The following ARMC9 variants were observed in gnomAD, a reference collection of about 807,000 sequenced individuals.
ARMC9 encodes the protein armadillo repeat containing 9, also known as lisH domain-containing protein ARMC9.
In ARMC9, 94 loss-of-function variants were observed where a neutral mutation model predicts 107.0. The observed-to-expected ratio is 0.88, with a 90% CI of 0.74 to 1.04. The LOEUF (loss-of-function observed/expected upper bound fraction) is 1.04. Ranked by LOEUF, ARMC9 falls within the 50% of genes least tolerant of loss-of-function variation. The probability of loss-of-function intolerance (pLI) is 0.00; values close to 1 mark genes in which losing one functional copy is unlikely to be tolerated. For synonymous variants in ARMC9, 380 were observed against 396.9 expected (o/e 0.96, Z 0.51); for missense variants, 942 against 1,030.1 (o/e 0.91, Z 1.17).
chr2:231,246,581 A>C (rs549133567), intron 9 of ARMC9, among the ~76,000 whole-genome samples: 2 of 152,144 alleles, frequency 1.3e-5, no homozygotes, highest in Non-Finnish European at 2.9e-5. Context: ...TATGTGTACC[A>C]CATTTTCCTT....
chr2:231,210,411 C>A (rs2032658269), intron 3 of ARMC9, among the ~76,000 whole-genome samples: 1 of 152,222 alleles, frequency 6.6e-6, no homozygotes, highest in Admixed American at 6.5e-5. Flanking sequence ...CAGCTTCACT[C>A]CCCAGCACCT....
chr2:231,365,292 G>A (rs1260697442), intron 23 of ARMC9, among the ~76,000 whole-genome samples: 1 of 152,224 alleles, frequency 6.6e-6, no homozygotes, highest in Non-Finnish European at 1.5e-5. Flanking sequence ...TGCTCTGCAA[G>A]GTAGGCGATT....
At chr2:231,206,008 A>G (rs2031929982) in intron 1 of ARMC9, among the ~76,000 whole-genome samples, 190 bp from the exon 2 acceptor site, 1 of 152,248 alleles carries the variant, frequency 6.6e-6, no homozygotes, top group South Asian at 2.1e-4. Flanking sequence ...TTTAAAGGTC[A>G]GCTGATGAGC....
At chr2:231,359,089 T>C (rs566804368) in intron 22 of ARMC9, among the ~76,000 whole-genome samples, 2 of 146,564 alleles carry the variant, frequency 1.4e-5, no homozygotes, top group African/African-American at 5.2e-5. Flanking sequence ...CCTGTTTTTT[T>C]TTTTTTTTTT....
At chr2:231,311,414 T>G (rs1259407124) in intron 19 of ARMC9, among the ~76,000 whole-genome samples, 1 of 152,208 alleles carries the variant, frequency 6.6e-6, no homozygotes, top group Non-Finnish European at 1.5e-5. Flanking sequence ...GCACAGCACT[T>G]GGCACATACC....
intron 19 of ARMC9, among the ~76,000 whole-genome samples, chr2:231,322,005 A>G (rs1244447495): frequency 1.3e-5 from 2 of 152,260 alleles, no homozygotes; most frequent in Non-Finnish European, 2.9e-5. Context: ...CGGCGAAAGC[A>G]AGAGACTGGG....
At chr2:231,309,744 TG>T (rs1194780720) in intron 19 of ARMC9, among the ~76,000 whole-genome samples, 1 of 151,966 alleles carries the variant, frequency 6.6e-6, no homozygotes, top group Non-Finnish European at 1.5e-5. Flanking sequence ...AAATCTAAGA[TG>T]TTTTTTCCAA....
intron 14 of ARMC9, among the ~76,000 whole-genome samples, chr2:231,273,634 C>G (rs891239376): frequency 6.6e-6 from 1 of 152,116 alleles, no homozygotes; most frequent in African/African-American, 2.4e-5. Flanking sequence ...AGTCTGGTCT[C>G]GAACTCCTGA....
chr2:231,245,784 C>G (rs1447320454), intron 9 of ARMC9, among the ~76,000 whole-genome samples: 1 of 152,204 alleles, frequency 6.6e-6, no homozygotes, highest in Non-Finnish European at 1.5e-5. Context: ...TTTTCCCTGC[C>G]AAGAGCAGTT....
chr2:231,355,900 G>A lies in ARMC9; in HGVS notation c.2097G>A (p.Lys699=). The A allele has an allele frequency of 6.5e-7, 1 of 1,536,144 alleles. No homozygotes were observed. Among genetic ancestry groups the A allele is most frequent in the Non-Finnish European group, 8.7e-7 (1 of 1,146,904 alleles). The part of the protein sequence containing the change: ...AAHEAVYREG[K]PSTPESCVSS... Reference sequence around the variant, plus strand: ...ACGAGGCTGTCTACAGGGAGGGCAAGCCCAGCACCCCGGAGTCCTGCGTCT... The same window carrying A: ...ACGAGGCTGTCTACAGGGAGGGCAAACCCAGCACCCCGGAGTCCTGCGTCT... The change falls in exon 22 of 25, where the codon AAG becomes AAA. Residue 699 remains lysine (K), a synonymous_variant. Transcript: ENST00000611582.
chr2:231,356,156 G>T (rs147871113), intron 22 of ARMC9, among the ~76,000 whole-genome samples: 1 of 152,182 alleles, frequency 6.6e-6, no homozygotes, highest in Admixed American at 6.5e-5. Context: ...CTGTTGTCCC[G>T]TCTGGGAGCT....
intron 14 of ARMC9, among the ~76,000 whole-genome samples, chr2:231,274,543 G>A (rs1416363716): frequency 2.6e-5 from 4 of 152,126 alleles, no homozygotes; most frequent in African/African-American, 7.2e-5. Context: ...TCTTTTTCTC[G>A]TGGATCGGCA....
At chr2:231,333,839 A>G (rs901414047) in intron 20 of ARMC9, among the ~76,000 whole-genome samples, 1 of 152,256 alleles carries the variant, frequency 6.6e-6, no homozygotes, top group Non-Finnish European at 1.5e-5. Flanking sequence ...AGAAGCTTGA[A>G]TACAGCGCTC....
chr2:231,276,537 T>G, intron 14 of ARMC9, 99 bp from the exon 15 acceptor site: 1 of 1,530,304 alleles, frequency 6.5e-7, no homozygotes, highest in Non-Finnish European at 8.9e-7. Context: ...CCCAAAGTGC[T>G]GGGATTACAG....
chr2:231,328,108 G>A (rs1328666632), intron 19 of ARMC9, among the ~76,000 whole-genome samples: 1 of 152,180 alleles, frequency 6.6e-6, no homozygotes, highest in African/African-American at 2.4e-5. Context: ...TAATAGGCAT[G>A]TAGTGATATC....
rs773123788 is a variant in ARMC9 at position 231,282,043 on chromosome 2, T to C, written c.1552-16T>C. 7 of 1,613,560 alleles carry C rather than the reference T, an allele frequency of 4.3e-6. No homozygotes were observed. The highest frequency in any genetic ancestry group is 1.7e-4 in the Middle Eastern group (1 of 6,058). On this transcript the variant is annotated splice_polypyrimidine_tract_variant and intron_variant, in intron 16 of 24. Transcript: ENST00000611582. ...TGAAAACTTGCAAATAACTGGTTTT[T>C]TTCCTCCCCTTAAAGATACAGCCGT...
At chr2:231,264,892 G>A (rs1166248338) in intron 12 of ARMC9, among the ~76,000 whole-genome samples, 1 of 152,044 alleles carries the variant, frequency 6.6e-6, no homozygotes, top group Non-Finnish European at 1.5e-5. Context: ...GGATCAGGAG[G>A]TTAGGAGATC....
chr2:231,349,801 C>A (rs1055022058), intron 21 of ARMC9, among the ~76,000 whole-genome samples: 4 of 151,766 alleles, frequency 2.6e-5, no homozygotes, highest in African/African-American at 9.7e-5. Context: ...ATGAGTAAGA[C>A]CTAGTATTTG....
chr2:231,241,008 G>A (rs1302825824), intron 9 of ARMC9, among the ~76,000 whole-genome samples: 4 of 152,080 alleles, frequency 2.6e-5, no homozygotes, highest in African/African-American at 9.7e-5. Flanking sequence ...GACCAGCCTG[G>A]CCAACATGGT....
Sources: allele counts gnomAD v4.1 joint callset (sites outside exome capture counted in the v4.1 genomes callset), GRCh38; gene constraint gnomAD v4.1.1; transcripts MANE v1.5; gene names NCBI Gene and HGNC (gene_info 2026-07-23, HGNC 2026-07-21).